The following ADTRP variants were observed in gnomAD, a reference collection of about 807,000 sequenced individuals.
ADTRP encodes the protein androgen-dependent TFPI-regulating protein.
In ADTRP, 20 loss-of-function variants were observed where a neutral mutation model predicts 27.0. The ratio of observed to expected loss-of-function variants is 0.74; its 90% CI spans 0.52 to 1.08. The LOEUF is 1.08. Among genes scored for constraint, ADTRP ranks in the 50% least tolerant of loss-of-function variants. ADTRP has a pLI of 0.00. For missense variants in ADTRP, 251 were observed against 275.0 expected, an observed-to-expected ratio of 0.91 and a Z score of 0.62; for synonymous variants, 101 against 105.2, an observed-to-expected ratio of 0.96 and a Z score of 0.25.
intron 3 of ADTRP, among the ~76,000 whole-genome samples, chr6:11,749,504 A>G (rs1022031654): frequency 1.3e-5 from 2 of 152,110 alleles, no homozygotes; most frequent in African/African-American, 4.8e-5. Flanking sequence ...GATGCCAGTT[A>G]CTGGGGAAAG....
chr6:11,719,299 T>C (rs1414104136), intron 5 of ADTRP, among the ~76,000 whole-genome samples: 1 of 152,166 alleles, frequency 6.6e-6, no homozygotes, highest in East Asian at 1.9e-4. Flanking sequence ...ATCCACACTT[T>C]AACAAGATCT....
intron 4 of ADTRP, among the ~76,000 whole-genome samples, chr6:11,732,833 G>A (rs544527917): frequency 6.6e-6 from 1 of 152,182 alleles, no homozygotes; most frequent in South Asian, 2.1e-4. Context: ...GGAACAACAC[G>A]TGAAAGATTT....
At chr6:11,726,608 C>G (rs762825888) in intron 4 of ADTRP, among the ~76,000 whole-genome samples, 22 of 152,132 alleles carry the variant, frequency 1.4e-4, no homozygotes, top group Non-Finnish European at 2.1e-4. Flanking sequence ...CTAAATAAAC[C>G]TCTTTTCAAT....
chr6:11,717,153 T>A, intron 5 of ADTRP: 1 of 803,644 alleles, frequency 1.2e-6, no homozygotes, highest in Non-Finnish European at 1.7e-6. Context: ...ATTATGTTTA[T>A]TATAAATATT....
intron 3 of ADTRP, among the ~76,000 whole-genome samples, chr6:11,765,837 T>C (rs901041320): frequency 6.6e-6 from 1 of 152,164 alleles, no homozygotes; most frequent in African/African-American, 2.4e-5. Flanking sequence ...GTTAATCCCA[T>C]TTGTGATGCA....
intron 1 of ADTRP, among the ~76,000 whole-genome samples, chr6:11,776,424 TA>T (rs547228835): frequency 6.6e-6 from 1 of 152,022 alleles, no homozygotes; most frequent in African/African-American, 2.4e-5. Context: ...GACCTAAGAT[TA>T]AAAAAAACTT....
chr6:11,762,298 T>C (rs1307894213), intron 3 of ADTRP, among the ~76,000 whole-genome samples: 1 of 152,178 alleles, frequency 6.6e-6, no homozygotes, highest in East Asian at 1.9e-4. Flanking sequence ...ACCATGTCCC[T>C]CCGCCTAACA....
chr6:11,759,338 C>G (rs1016368613), intron 3 of ADTRP, among the ~76,000 whole-genome samples: 13 of 152,326 alleles, frequency 8.5e-5, no homozygotes, highest in Middle Eastern at 3.4e-3. Context: ...CTGATCACTA[C>G]TTATCAATAT....
Position 11,737,355 on chromosome 6 carries a change from C to T in ADTRP, c.391-1672G>A, listed in dbSNP as rs138563645. Among the ~76,000 whole-genome samples, 952 of 152,232 alleles carry T rather than the reference C, an allele frequency of 6.3e-3. 8 individuals carry two copies. The highest frequency in any genetic ancestry group is 0.01 in the Non-Finnish European group (708 of 68,014). On this transcript the variant is annotated intron_variant, in intron 3 of 5. Coordinates refer to ENST00000414691, the MANE Select transcript of ADTRP (RefSeq NM_032744.4). ...ATCTTGTTCCTGAGCCCCAGGGCAGCGGTGTTGGCCCCTCAGTTAGGGCAG... is the reference window on the plus strand; with the variant it reads ...ATCTTGTTCCTGAGCCCCAGGGCAGTGGTGTTGGCCCCTCAGTTAGGGCAG...
chr6:11,759,737 G>T (rs1425400614), intron 3 of ADTRP, among the ~76,000 whole-genome samples: 1 of 152,186 alleles, frequency 6.6e-6, no homozygotes, highest in East Asian at 1.9e-4. Flanking sequence ...CATGACAAAG[G>T]AGACATTGAA....
chr6:11,734,759 T>A (rs1487162848), intron 4 of ADTRP, among the ~76,000 whole-genome samples: 1 of 152,198 alleles, frequency 6.6e-6, no homozygotes, highest in Non-Finnish European at 1.5e-5. Context: ...TGAACTGAAC[T>A]AAACTTCCCC....
At chr6:11,751,203 G>T (rs967403729) in intron 3 of ADTRP, among the ~76,000 whole-genome samples, 6 of 152,154 alleles carry the variant, frequency 3.9e-5, no homozygotes, top group African/African-American at 1.4e-4. Flanking sequence ...AGAAATCTGT[G>T]CCTTTAAGAA....
chr6:11,719,245 G>C (rs115504329), intron 5 of ADTRP, among the ~76,000 whole-genome samples: 6,206 of 152,240 alleles, frequency 0.041, 176 homozygotes, highest in Non-Finnish European at 0.062. Context: ...GTATGCGTTA[G>C]AAGGGCAGAA....
intron 1 of ADTRP, among the ~76,000 whole-genome samples, chr6:11,772,424 G>A (rs534200774): frequency 1.3e-5 from 2 of 152,330 alleles, no homozygotes; most frequent in East Asian, 3.9e-4. Context: ...TGGAAGCTTA[G>A]CCTTTCCAAG....
At chr6:11,750,183 A>T (rs1394132713) in intron 3 of ADTRP, among the ~76,000 whole-genome samples, 1 of 152,196 alleles carries the variant, frequency 6.6e-6, no homozygotes, top group African/African-American at 2.4e-5. Flanking sequence ...AAATTAAAAA[A>T]CAGCCACTGT....
chr6:11,721,405 GTT>G (rs1762021968), intron 5 of ADTRP, among the ~76,000 whole-genome samples: 1 of 152,170 alleles, frequency 6.6e-6, no homozygotes, highest in Non-Finnish European at 1.5e-5. Context: ...CTTAGAAAGT[GTT>G]TTCAGTAGAA....
At chr6:11,773,263 C>A (rs969536498) in intron 1 of ADTRP, among the ~76,000 whole-genome samples, 24 of 152,070 alleles carry the variant, frequency 1.6e-4, no homozygotes, top group Non-Finnish European at 5.9e-5. Context: ...GGAGAGAAAC[C>A]TTTTCTGTAT....
At chr6:11,714,840 A>C (rs1761761659) in intron 5 of ADTRP, among the ~76,000 whole-genome samples, 1 of 152,220 alleles carries the variant, frequency 6.6e-6, no homozygotes, top group Non-Finnish European at 1.5e-5. Context: ...ACAATCCATC[A>C]GCAAACTTTG....
chr6:11,732,922 A>G (rs1762432759), intron 4 of ADTRP, among the ~76,000 whole-genome samples: 1 of 152,242 alleles, frequency 6.6e-6, no homozygotes, highest in African/African-American at 2.4e-5. Flanking sequence ...CACACTGGGA[A>G]TTGAACAAAT....
Sources: allele counts gnomAD v4.1 joint callset (sites outside exome capture counted in the v4.1 genomes callset), GRCh38; gene constraint gnomAD v4.1.1; transcripts MANE v1.5; gene names NCBI Gene and HGNC (gene_info 2026-07-23, HGNC 2026-07-21).